GRAMD1B: variants seen among roughly 807,000 people sequenced by gnomAD.
GRAMD1B encodes GRAM domain containing 1B, also known as protein Aster-B.
A neutral mutation model predicts 99.7 loss-of-function variants in GRAMD1B; 37 were observed. The observed-to-expected ratio is 0.37, with a 90% confidence interval of 0.29 to 0.49. The LOEUF is 0.49. Among genes scored for constraint, GRAMD1B ranks in the 20% least tolerant of loss-of-function variants. The pLI, the probability that GRAMD1B is intolerant of heterozygous loss-of-function variation, is 0.98. For missense variants in GRAMD1B, 888 were observed against 1,009.2 expected (o/e 0.88, Z 1.63); for synonymous variants, 427 against 387.6 (o/e 1.10, Z -1.19).
chr11:123,548,323 T>TACACACACACACACACACAC (rs1288714416), intron 2 of GRAMD1B, among the ~76,000 whole-genome samples: 5 of 100,524 alleles, frequency 5.0e-5, no homozygotes, highest in Non-Finnish European at 7.4e-5. Flanking sequence ...TATATATATA[T>TACACACACACACACACACAC]ATACACACAC....
intron 1 of GRAMD1B, among the ~76,000 whole-genome samples, chr11:123,413,118 G>A (rs1046523440): frequency 1.3e-5 from 2 of 152,146 alleles, no homozygotes; most frequent in African/African-American, 4.8e-5. Flanking sequence ...GCTGCACTTA[G>A]AGCCAAATTC....
At chr11:123,490,071 TA>T (rs1362580417) in intron 2 of GRAMD1B, among the ~76,000 whole-genome samples, 1 of 152,078 alleles carries the variant, frequency 6.6e-6, no homozygotes, top group Non-Finnish European at 1.5e-5. Flanking sequence ...CTCAAAAAAG[TA>T]AAGAAAGAGC....
At chr11:123,494,699 T>C (rs1004786954) in intron 2 of GRAMD1B, among the ~76,000 whole-genome samples, 3 of 152,094 alleles carry the variant, frequency 2.0e-5, no homozygotes, top group African/African-American at 7.3e-5. Flanking sequence ...GATGCCATAG[T>C]TGGGATTTAG....
chr11:123,380,765 G>A (rs1412833712), intron 1 of GRAMD1B, among the ~76,000 whole-genome samples: 2 of 152,070 alleles, frequency 1.3e-5, no homozygotes, highest in African/African-American at 4.8e-5. Context: ...GTCCCCTTTT[G>A]TCCACGTAGT....
intron 1 of GRAMD1B, 87 bp downstream of exon 1, chr11:123,431,253 T>C (rs1948873598): frequency 1.7e-6 from 1 of 605,892 alleles, no homozygotes; most frequent in African/African-American, 1.9e-5. Flanking sequence ...GGGGGAAACG[T>C]CCTGGGGGAG....
intron 1 of GRAMD1B, among the ~76,000 whole-genome samples, chr11:123,384,449 GCCCAGGTAACCCCCTT>G (rs1946990049): frequency 6.6e-6 from 1 of 152,068 alleles, no homozygotes; most frequent in Admixed American, 6.5e-5. Flanking sequence ...CAGTGTTCCT[GCCCAGGTAACCCCCTT>G]CCCCTAAACC....
chr11:123,538,920 C>T (rs879705131), intron 2 of GRAMD1B, among the ~76,000 whole-genome samples: 3 of 151,994 alleles, frequency 2.0e-5, no homozygotes, highest in Non-Finnish European at 4.4e-5. Context: ...TGAGCCACCG[C>T]GCCCAGTTCT....
intron 2 of GRAMD1B, among the ~76,000 whole-genome samples, chr11:123,508,560 T>G (rs1289646379): frequency 6.6e-6 from 1 of 152,230 alleles, no homozygotes; most frequent in Non-Finnish European, 1.5e-5. Context: ...CCGTGAGCAC[T>G]GTGTTGTCAG....
upstream of GRAMD1B, among the ~76,000 whole-genome samples, chr11:123,428,965 G>C (rs1948749527): frequency 6.6e-6 from 1 of 152,184 alleles, no homozygotes; most frequent in South Asian, 2.1e-4. Flanking sequence ...GCCAAGGTGG[G>C]CAGATCACTT....
chr11:123,613,201 T>A (rs1953840021), intron 15 of GRAMD1B: 1 of 569,170 alleles, frequency 1.8e-6, no homozygotes, highest in Non-Finnish European at 3.1e-6. Context: ...ATTTAAGACG[T>A]GTATGCCCCA....
At chr11:123,621,363 T>A (rs545032478) in intron 19 of GRAMD1B, among the ~76,000 whole-genome samples, 7 of 152,366 alleles carry the variant, frequency 4.6e-5, no homozygotes, top group Admixed American at 2.6e-4. Flanking sequence ...GTCTCCCATT[T>A]AGACTGCAGT....
chr11:123,566,387 C>G (rs2136080959), intron 2 of GRAMD1B, among the ~76,000 whole-genome samples: 1 of 152,244 alleles, frequency 6.6e-6, no homozygotes, highest in South Asian at 2.1e-4. Context: ...AAAGGCTGGC[C>G]TTTTTAAAAA....
At chr11:123,560,075 C>T (rs369549406) in intron 2 of GRAMD1B, among the ~76,000 whole-genome samples, 6 of 142,248 alleles carry the variant, frequency 4.2e-5, no homozygotes, top group African/African-American at 1.8e-4. Context: ...ACCCCCCCCC[C>T]CGCAGCCCCA....
intron 2 of GRAMD1B, among the ~76,000 whole-genome samples, chr11:123,537,460 C>T (rs183372667): frequency 6.6e-6 from 1 of 152,298 alleles, no homozygotes; most frequent in Non-Finnish European, 1.5e-5. Flanking sequence ...CTTCACAAAC[C>T]TGAGGATGCA....
chr11:123,577,236 T>G lies in GRAMD1B; in HGVS notation c.453-131T>G, dbSNP rs923343216. On this transcript the variant is annotated intron_variant, in intron 2 of 19. Transcript: ENST00000635736. ...GCAGCCTGGGCCCCTCTCTCCCGGT[T>G]TCTCCCCAGCCCCTCACCTGGCTCC... 98 of 764,488 alleles carry G rather than the reference T, an allele frequency of 1.3e-4. No individual in the cohort carries two copies. In the Admixed American group the frequency reaches 1.4e-3, roughly 11 times the overall value. 47.4% of individuals were successfully genotyped at this position (764,488 alleles called of 1,614,324 possible).
chr11:123,415,309 G>C (rs1441158610), intron 1 of GRAMD1B, among the ~76,000 whole-genome samples: 1 of 151,902 alleles, frequency 6.6e-6, no homozygotes, highest in Non-Finnish European at 1.5e-5. Flanking sequence ...CACCGTGTTT[G>C]CCAGGATGGT....
At chr11:123,487,991 T>C (rs1262917577) in intron 2 of GRAMD1B, among the ~76,000 whole-genome samples, 7 of 152,222 alleles carry the variant, frequency 4.6e-5, no homozygotes, top group Non-Finnish European at 8.8e-5. Flanking sequence ...GGGTGTCTTG[T>C]ACATCACAGA....
intron 2 of GRAMD1B, among the ~76,000 whole-genome samples, chr11:123,507,679 A>T (rs141549902): frequency 4.5e-4 from 69 of 152,320 alleles, no homozygotes; most frequent in African/African-American, 1.6e-3. Context: ...GACATAGGAG[A>T]TTGGTTTAAA....
chr11:123,514,717 G>A (rs34666228), intron 2 of GRAMD1B, among the ~76,000 whole-genome samples: 1 of 152,246 alleles, frequency 6.6e-6, no homozygotes, highest in African/African-American at 2.4e-5. Context: ...TAGACACTGC[G>A]AACAGCTGAA....
Sources: gnomAD v4.1 joint callset for allele counts (sites outside exome capture counted in the v4.1 genomes callset) on GRCh38, gnomAD v4.1.1 for gene constraint, MANE v1.5 for transcripts, NCBI Gene and HGNC (gene_info 2026-07-23, HGNC 2026-07-21) for gene names.